Variants in FRYL observed in about 807,000 individuals in gnomAD.
FRYL encodes the protein FRY like transcription coactivator, also known as protein furry homolog-like.
Under a neutral mutation model 351.2 loss-of-function variants are expected in FRYL, and 150 were observed. The observed-to-expected ratio is 0.43, with a 90% CI of 0.37 to 0.49. FRYL has a LOEUF of 0.49. Ranked by LOEUF, FRYL falls within the 20% of genes least tolerant of loss-of-function variation. FRYL has a pLI of 0.00. For synonymous variants in FRYL, 1,153 were observed against 1,257.1 expected (o/e 0.92, Z 1.75); for missense variants, 3,036 against 3,619.3 (o/e 0.84, Z 4.13).
chr4:48,562,559 C>T (rs1368126874), intron 32 of FRYL, among the ~76,000 whole-genome samples: 1 of 151,962 alleles, frequency 6.6e-6, no homozygotes, highest in East Asian at 1.9e-4. Flanking sequence ...CATGGCTCTC[C>T]AAAAAAATTT....
intron 47 of FRYL, among the ~76,000 whole-genome samples, chr4:48,536,497 A>T (rs1376718567): frequency 6.6e-6 from 1 of 152,172 alleles, no homozygotes; most frequent in East Asian, 1.9e-4. Flanking sequence ...GTTTGATACA[A>T]TATTAAAGAA....
chr4:48,523,727 C>T (rs1368151879), intron 53 of FRYL, among the ~76,000 whole-genome samples: 1 of 152,152 alleles, frequency 6.6e-6, no homozygotes, highest in Admixed American at 6.5e-5. Flanking sequence ...TTCTATGATA[C>T]ACTTTGGCAA....
chr4:48,524,473 T>C (rs921229881), intron 53 of FRYL, among the ~76,000 whole-genome samples: 1 of 152,212 alleles, frequency 6.6e-6, no homozygotes, highest in Non-Finnish European at 1.5e-5. Flanking sequence ...TGAATGAATA[T>C]GCACTGTGGG....
chr4:48,532,292 C>G (rs61070535), intron 49 of FRYL, among the ~76,000 whole-genome samples: 2 of 152,198 alleles, frequency 1.3e-5, no homozygotes, highest in East Asian at 1.9e-4. Flanking sequence ...TATGAAGACA[C>G]CTAAAACACA....
Position 48,606,061 on chromosome 4 carries a change from GC to G in FRYL, c.742-229del, listed in dbSNP as rs1390053460. The stretch of plus-strand genomic sequence containing the variant: ...ACCTGAGGTGAGGAGTTGGAGACCA[GC>G]CTGGCCAACATGGTGAAATCCCGTC... On this transcript the variant is annotated intron_variant, in intron 10 of 63. Coordinates refer to ENST00000358350, the MANE Select transcript of FRYL (RefSeq NM_015030.2). 2.3e-5 allele frequency among the ~76,000 whole-genome samples: 3 copies of G among 130,840 alleles called. No homozygotes were observed. In the Admixed American group the frequency reaches 2.6e-4, roughly 11 times the overall value. 85.8% of individuals were successfully genotyped at this position (130,840 alleles called of 152,430 possible).
intron 54 of FRYL, 119 bp downstream of exon 54, chr4:48,522,782 T>C (rs754632805): frequency 1.2e-6 from 1 of 804,954 alleles, no homozygotes; most frequent in East Asian, 2.4e-5. Flanking sequence ...AGTGTTGCAA[T>C]CTTGTAGATT....
chr4:48,562,749 T>C (rs1467676256), intron 32 of FRYL, 140 bp downstream of exon 32: 3 of 581,620 alleles, frequency 5.2e-6, no homozygotes, highest in Non-Finnish European at 9.3e-6. Flanking sequence ...CTTCTAATAA[T>C]AATTAGGCCT....
At chr4:48,710,114 A>G (rs1349989301) in intron 2 of FRYL, among the ~76,000 whole-genome samples, 1 of 152,246 alleles carries the variant, frequency 6.6e-6, no homozygotes, top group East Asian at 1.9e-4. Context: ...CTATAAAAAG[A>G]AGAGCTGGCA....
chr4:48,678,909 G>T (rs903734062), intron 3 of FRYL, among the ~76,000 whole-genome samples: 1 of 151,960 alleles, frequency 6.6e-6, no homozygotes, highest in African/African-American at 2.4e-5. Flanking sequence ...ATTATAAATT[G>T]TAACATGTGT....
intron 1 of FRYL, chr4:48,727,603 G>A (rs1415274820): frequency 2.0e-5 from 3 of 152,150 alleles, no homozygotes; most frequent in Non-Finnish European, 4.4e-5. Context: ...TTACCTCCAG[G>A]AGCTTGACCT....
chr4:48,684,011 A>G (rs1256349329), intron 3 of FRYL, among the ~76,000 whole-genome samples: 1 of 152,150 alleles, frequency 6.6e-6, no homozygotes, highest in African/African-American at 2.4e-5. Context: ...ATGTTTGTTC[A>G]TGACATGCAA....
Position 48,501,669 on chromosome 4 carries a change from TA to T in FRYL, c.8545del (p.Tyr2849ThrfsTer8). The T allele has an allele frequency of 6.2e-7, 1 of 1,610,770 alleles. No individual in the cohort carries two copies. Among genetic ancestry groups the T allele is most frequent in the African/African-American group, 1.3e-5 (1 of 74,986 alleles). ...ATTTACTTGGTTGATAAGTTTACAG[TA>T]GGCCTGGAACAGAAGCAGCAATTGA... ...HFQLLLLFQA[Y>X]CKLINQVNTI... On this transcript the variant is annotated frameshift_variant, in exon 62 of 64. Transcript: ENST00000358350. LOFTEE classifies it high-confidence loss of function.
chr4:48,511,492 G>C (rs148063755), intron 57 of FRYL, among the ~76,000 whole-genome samples: 134 of 152,264 alleles, frequency 8.8e-4, no homozygotes, highest in African/African-American at 3.0e-3. Context: ...CTGACTCATA[G>C]TAAGTCAATC....
At chr4:48,729,266 G>A (rs1770453817) in intron 1 of FRYL, among the ~76,000 whole-genome samples, 2 of 152,362 alleles carry the variant, frequency 1.3e-5, no homozygotes, top group South Asian at 4.1e-4. Flanking sequence ...CCACAGCTCA[G>A]CAAGGCCTAC....
chr4:48,574,704 C>T (rs1382093033), intron 25 of FRYL, among the ~76,000 whole-genome samples: 1 of 152,072 alleles, frequency 6.6e-6, no homozygotes, highest in Non-Finnish European at 1.5e-5. Context: ...TGATATCAAA[C>T]ATCTATGTAA....
chr4:48,574,971 A>G (rs1262019636), intron 25 of FRYL, 146 bp downstream of exon 25: 3 of 558,610 alleles, frequency 5.4e-6, no homozygotes, highest in Non-Finnish European at 6.3e-6. Flanking sequence ...TAAATGTTAC[A>G]TGGCTAGTTA....
At chr4:48,519,380 T>A (rs1724383296) in intron 55 of FRYL, among the ~76,000 whole-genome samples, 2 of 152,162 alleles carry the variant, frequency 1.3e-5, no homozygotes, top group South Asian at 4.2e-4. Flanking sequence ...CCAGTTACCA[T>A]GAAACCTGTC....
At chr4:48,570,986 G>C in intron 26 of FRYL, 68 bp from the exon 27 acceptor site, 1 of 1,250,824 alleles carries the variant, frequency 8.0e-7, no homozygotes, top group Non-Finnish European at 1.2e-6. Flanking sequence ...TAATGTGACT[G>C]CCTCAGAGAG....
At chr4:48,571,232 T>C (rs1344163132) in intron 26 of FRYL, among the ~76,000 whole-genome samples, 2 of 152,180 alleles carry the variant, frequency 1.3e-5, no homozygotes, top group Non-Finnish European at 2.9e-5. Context: ...ACTGTTATCA[T>C]GGAATTATAA....
Sources: allele counts gnomAD v4.1 joint callset (sites outside exome capture counted in the v4.1 genomes callset), GRCh38; gene constraint gnomAD v4.1.1; transcripts MANE v1.5; gene names NCBI Gene and HGNC (gene_info 2026-07-23, HGNC 2026-07-21).